TNS1: variants seen among roughly 807,000 people sequenced by gnomAD.
TNS1 encodes the protein tensin-1.
In TNS1, 62 loss-of-function variants were observed where a neutral mutation model predicts 168.6. The observed-to-expected ratio is 0.37, with a 90% CI of 0.30 to 0.45. The LOEUF (loss-of-function observed/expected upper bound fraction) is 0.45. TNS1 is among the 20% of genes least tolerant of loss of function. The probability of loss-of-function intolerance (pLI) is 1.00; values close to 1 mark genes in which losing one functional copy is unlikely to be tolerated. For missense variants in TNS1, 2,240 were observed against 2,339.4 expected (o/e 0.96, Z 0.88); for synonymous variants, 934 against 933.2 (o/e 1.00, Z -0.02).
rs1382379186 is a variant in TNS1 at position 217,892,968 on chromosome 2, G to C, written c.762C>G (p.His254Gln). ...RIGVVIAAYM[H>Q]YSNISASADQ... ...CTTACCTGGCAGAAATGTTGCTGTA[G>C]TGCATGTAAGCCGCGATGACAACTC... The change falls in exon 11 of 33, where the codon CAC becomes CAG. Residue 254 changes from histidine to glutamine, a missense_variant. His to Gln is a conservative substitution (Grantham distance 24). This residue lies in a region of TNS1 where 2,131 missense variants were observed against 2,171.2 expected (regional missense o/e 0.98). Coordinates refer to ENST00000682258, the MANE Select transcript of TNS1 (RefSeq NM_001387777.1). The C allele has an allele frequency of 1.9e-6, 3 of 1,614,200 alleles. No homozygotes were observed. Among genetic ancestry groups the C allele is most frequent in the Non-Finnish European group, 1.7e-6 (2 of 1,180,026 alleles).
chr2:217,823,774 G>T (rs796202733), intron 22 of TNS1, among the ~76,000 whole-genome samples: 19 of 152,340 alleles, frequency 1.2e-4, no homozygotes, highest in African/African-American at 4.6e-4. Flanking sequence ...GGCACGGGAG[G>T]TCTATTCTAG....
At chr2:217,899,107 C>T (rs1952650260) in intron 7 of TNS1, among the ~76,000 whole-genome samples, 3 of 152,302 alleles carry the variant, frequency 2.0e-5, no homozygotes, top group South Asian at 4.1e-4. Flanking sequence ...ACAGAACAAG[C>T]CCCCAGATGC....
chr2:217,818,901 A>G, intron 23 of TNS1, 142 bp from the exon 24 acceptor site: 1 of 682,826 alleles, frequency 1.5e-6, no homozygotes, highest in Non-Finnish European at 2.4e-6. Flanking sequence ...TCAGGGTTTT[A>G]TACGTTACCT....
chr2:217,853,108 A>C (rs6436016), intron 18 of TNS1, among the ~76,000 whole-genome samples: 2 of 151,912 alleles, frequency 1.3e-5, no homozygotes, highest in Non-Finnish European at 2.9e-5. Flanking sequence ...TTCCCTTCTC[A>C]CCATCCACCA....
intron 3 of TNS1, among the ~76,000 whole-genome samples, chr2:217,946,994 C>CACACACACACACAGTTTTTACAGAG (rs1447178928): frequency 1.3e-4 from 20 of 151,098 alleles, no homozygotes; most frequent in African/African-American, 4.4e-4. Flanking sequence ...CACACACACA[C>CACACACACACACAGTTTTTACAGAG]AGTAAAAACT....
At chr2:217,865,867 G>T (rs1949226780) in intron 18 of TNS1, among the ~76,000 whole-genome samples, 1 of 152,190 alleles carries the variant, frequency 6.6e-6, no homozygotes, top group African/African-American at 2.4e-5. Context: ...AGACTCCTGA[G>T]TCCCCTTTGC....
chr2:217,909,602 CAGTT>C (rs895283349), intron 4 of TNS1, among the ~76,000 whole-genome samples: 2 of 150,984 alleles, frequency 1.3e-5, no homozygotes, highest in African/African-American at 2.5e-5. Flanking sequence ...CACACACACA[CAGTT>C]AGACCTACGG....
rs1937883576 is a variant in TNS1, at chr2:217,803,850, C to G, written c.*609G>C. The G allele has an allele frequency of 6.5e-6, 1 of 153,290 alleles. No individual in the cohort carries two copies. The highest frequency in any genetic ancestry group is 2.4e-5 in the African/African-American group (1 of 41,452). 9.5% of individuals were successfully genotyped at this position (153,290 alleles called of 1,614,324 possible). ...CGAGTGGATAAAGGCAGATCTAGATCAATGTGTGAGGATGTGGGTGCAGAC... is the reference window on the plus strand; with the variant it reads ...CGAGTGGATAAAGGCAGATCTAGATGAATGTGTGAGGATGTGGGTGCAGAC... On this transcript the variant is annotated 3_prime_UTR_variant, in exon 33 of 33. Coordinates refer to ENST00000682258, the MANE Select transcript of TNS1 (RefSeq NM_001387777.1).
At chr2:217,976,263 G>A (rs1171107465) in intron 3 of TNS1, among the ~76,000 whole-genome samples, 1 of 152,230 alleles carries the variant, frequency 6.6e-6, no homozygotes, top group African/African-American at 2.4e-5. Context: ...TTGGCCCGTG[G>A]AAGGAGATTA....
Position 217,848,461 on chromosome 2 carries a change from A to G in TNS1, c.2056T>C (p.Tyr686His), listed in dbSNP as rs890234778. ...GGCCCCGCCCGGCTGGCAGACTCGT[A>G]GGGGTAGCCTCCTCCATTGACCATA... is the stretch of plus-strand genomic sequence containing the variant. ...EPMVNGGGYP[Y>H]ESASRAGPAH... Residue 686 changes from tyrosine to histidine, a missense_variant, in exon 19 of 33, where the codon TAC becomes CAC. By Grantham distance (83) the Tyr-to-His change is moderately conservative (BLOSUM62 2). Coordinates refer to ENST00000682258, the MANE Select transcript of TNS1 (RefSeq NM_001387777.1). 13 of 1,612,806 alleles carry G rather than the reference A, an allele frequency of 8.1e-6. No individual in the cohort carries two copies. The highest frequency in any genetic ancestry group is 1.1e-5 in the Non-Finnish European group (13 of 1,179,248).
At chr2:217,890,931 A>G (rs770796163) in intron 12 of TNS1, 31 bp downstream of exon 12, 1 of 1,606,232 alleles carries the variant, frequency 6.2e-7, no homozygotes, top group South Asian at 1.1e-5. Flanking sequence ...GCACACATAC[A>G]TGCAAGGGGC....
At chr2:218,025,156 C>T (rs1958840641) in intron 1 of TNS1, among the ~76,000 whole-genome samples, 2 of 152,184 alleles carry the variant, frequency 1.3e-5, no homozygotes, top group Admixed American at 1.3e-4. Context: ...CCTCTTCATG[C>T]CTCAAAGCCC....
chr2:218,010,876 C>T (rs750898944), upstream of TNS1, among the ~76,000 whole-genome samples: 1 of 152,210 alleles, frequency 6.6e-6, no homozygotes, highest in African/African-American at 2.4e-5. Context: ...CTGTTCCAGG[C>T]GTGCACGTGG....
In TNS1 at chr2:217,813,742, C is replaced by T. The variant is rs1436052337; in HGVS notation, c.4804G>A (p.Gly1602Arg). The T allele has an allele frequency of 1.9e-6, 3 of 1,613,968 alleles. No homozygotes were observed. The highest frequency in any genetic ancestry group is 2.5e-6 in the Non-Finnish European group (3 of 1,179,920). The change falls in exon 26 of 33, where the codon GGG becomes AGG. Residue 1602 changes from glycine to arginine, a missense_variant. By Grantham distance (125) the Gly-to-Arg change is moderately radical (BLOSUM62 -2). Coordinates refer to ENST00000682258, the MANE Select transcript of TNS1 (RefSeq NM_001387777.1). This position sits in a 1 kb window ranked among gnomAD's most constrained non-coding sequence, Gnocchi z 4.0. ...RDSHSFRGAY[G>R]LAMKVSSPPP... ...GGCGAAGACACCTTCATGGCCAGCC[C>T]GTACGCGCCTCGGAAGGAGTGACTG...
chr2:217,804,168 G>T lies in TNS1; in HGVS notation c.*291C>A. Reference sequence around the variant, plus strand: ...TCCATCTTCTTAGGGGAGGGAGGGGGTGTTAGGTGGACCTGGTTAGTTTTG... The same window carrying T: ...TCCATCTTCTTAGGGGAGGGAGGGGTTGTTAGGTGGACCTGGTTAGTTTTG... On this transcript the variant is annotated 3_prime_UTR_variant, in exon 33 of 33. Transcript: ENST00000682258. 3.0e-6 allele frequency: 1 copy of T among 338,620 alleles called. No individual in the cohort carries two copies. The highest frequency in any genetic ancestry group is 5.4e-6 in the Non-Finnish European group (1 of 183,810). The allele number at this position is 338,620 out of a possible 1,614,324, so 21.0% of individuals were successfully genotyped here. A position where few individuals can be genotyped will look rare whatever the true frequency, so the allele number is the denominator to read the frequency against.
At chr2:217,954,920 C>T (rs1330198731) in intron 3 of TNS1, among the ~76,000 whole-genome samples, 1 of 152,220 alleles carries the variant, frequency 6.6e-6, no homozygotes, top group East Asian at 1.9e-4. Flanking sequence ...CACACATACA[C>T]ATGCACAGAA....
At chr2:218,009,971 A>G in intron 1 of TNS1, 1 of 389,156 alleles carries the variant, frequency 2.6e-6, no homozygotes, top group Non-Finnish European at 4.5e-6. Flanking sequence ...GATGGCCGAG[A>G]CGGAGGGTCC....
At chr2:217,815,022 G>A (rs1309443733) in intron 24 of TNS1, 24 bp from the exon 25 acceptor site, 3 of 1,590,642 alleles carry the variant, frequency 1.9e-6, no homozygotes, top group South Asian at 1.1e-5. Context: ...AGGGAAGAAA[G>A]TGTTATGGGT....
At chr2:217,978,949 G>A (rs1220075580) in intron 2 of TNS1, 147 bp from the exon 3 acceptor site, 18 of 650,790 alleles carry the variant, frequency 2.8e-5, no homozygotes, top group Non-Finnish European at 5.6e-6. Flanking sequence ...GAGGGAGAGA[G>A]GGAGGGGACG....
Sources: allele counts gnomAD v4.1 joint callset (sites outside exome capture counted in the v4.1 genomes callset), GRCh38; gene constraint gnomAD v4.1.1; regional missense constraint gnomAD v4.1.1; non-coding constraint Gnocchi (gnomAD v3.1); transcripts MANE v1.5; gene names NCBI Gene and HGNC (gene_info 2026-07-23, HGNC 2026-07-21).